The following LMTK2 variants were observed in gnomAD, a reference collection of about 807,000 sequenced individuals.
LMTK2 encodes lemur tail kinase 2.
Under a neutral mutation model 127.5 loss-of-function variants are expected in LMTK2, and 37 were observed. The ratio of observed to expected loss-of-function variants is 0.29; its 90% CI spans 0.22 to 0.38. LMTK2 has a LOEUF of 0.38. Among genes scored for constraint, LMTK2 ranks in the 10% least tolerant of loss-of-function variants. The pLI is 1.00. For missense variants in LMTK2, 1,694 were observed against 1,920.3 expected, an observed-to-expected ratio of 0.88 and a Z score of 2.20; for synonymous variants, 819 against 810.1, an observed-to-expected ratio of 1.01 and a Z score of -0.19.
At chr7:98,191,180 T>G (rs996872975) in intron 10 of LMTK2, among the ~76,000 whole-genome samples, 1 of 152,186 alleles carries the variant, frequency 6.6e-6, no homozygotes. Flanking sequence ...AACTCCTGGC[T>G]CAAGTGATCC....
At chr7:98,203,464 GCTTA>G in intron 11 of LMTK2, 106 bp from the exon 12 acceptor site, 2 of 1,384,820 alleles carry the variant, frequency 1.4e-6, no homozygotes, top group Non-Finnish European at 9.6e-7. Context: ...GTCTTGAGAC[GCTTA>G]CTTCTCAGTC....
intron 1 of LMTK2, among the ~76,000 whole-genome samples, chr7:98,126,077 C>A (rs1300280075): frequency 6.6e-6 from 1 of 152,294 alleles, no homozygotes; most frequent in East Asian, 1.9e-4. Flanking sequence ...AACATAGACT[C>A]CATCGAGGGA....
At chr7:98,137,550 TC>T in intron 2 of LMTK2, 108 bp downstream of exon 2, 1 of 1,013,188 alleles carries the variant, frequency 9.9e-7, no homozygotes, top group East Asian at 2.6e-5. Flanking sequence ...TTTTTTTTCT[TC>T]CCCTAATGGC....
intron 1 of LMTK2, among the ~76,000 whole-genome samples, chr7:98,119,443 G>A (rs991714994): frequency 2.0e-5 from 3 of 152,174 alleles, no homozygotes; most frequent in Non-Finnish European, 4.4e-5. Context: ...GAGTACATAT[G>A]CCATCACCAC....
chr7:98,121,355 G>T (rs1035333636), intron 1 of LMTK2, among the ~76,000 whole-genome samples: 3 of 152,018 alleles, frequency 2.0e-5, no homozygotes, highest in Non-Finnish European at 4.4e-5. Flanking sequence ...CAAGCCTGGC[G>T]TGGTGGCTCA....
chr7:98,176,247 A>G (rs990566375), intron 7 of LMTK2, among the ~76,000 whole-genome samples: 19 of 152,250 alleles, frequency 1.2e-4, no homozygotes, highest in Non-Finnish European at 1.9e-4. Context: ...CTGTGTTTAC[A>G]TAGACTATGT....
intron 9 of LMTK2, among the ~76,000 whole-genome samples, chr7:98,189,386 C>G (rs1376088961): frequency 6.6e-6 from 1 of 152,136 alleles, no homozygotes; most frequent in Admixed American, 6.5e-5. Flanking sequence ...CTCTGGTGCT[C>G]TCCTTTAGTG....
At chr7:98,133,279 G>A (rs1049171662) in intron 1 of LMTK2, among the ~76,000 whole-genome samples, 5 of 152,156 alleles carry the variant, frequency 3.3e-5, no homozygotes, top group Admixed American at 6.5e-5. Flanking sequence ...TCTCAGTGCT[G>A]TAGGCTGCAT....
chr7:98,116,125 C>T (rs1448659830), intron 1 of LMTK2, among the ~76,000 whole-genome samples: 6 of 152,138 alleles, frequency 3.9e-5, no homozygotes, highest in South Asian at 2.1e-4. Context: ...AACTCCTGGC[C>T]TCAAGCAGTC....
intron 7 of LMTK2, among the ~76,000 whole-genome samples, chr7:98,174,666 C>T (rs903922348): frequency 7.9e-5 from 12 of 152,166 alleles, no homozygotes; most frequent in East Asian, 3.9e-4. Context: ...GGTAGCCTTG[C>T]GGAGTACCTG....
At chr7:98,165,028 G>A (rs986724446) in intron 6 of LMTK2, among the ~76,000 whole-genome samples, 24 of 152,244 alleles carry the variant, frequency 1.6e-4, no homozygotes, top group Non-Finnish European at 3.2e-4. Flanking sequence ...GCAGTTCGCA[G>A]TGGAGAAGGG....
At position 98,106,909 on chromosome 7, in the gene LMTK2, C is replaced by T. The variant is rs1562891464; in HGVS notation, c.-269C>T. 6 of 445,146 alleles carry T rather than the reference C, an allele frequency of 1.3e-5. No individual in the cohort carries two copies. Among genetic ancestry groups the T allele is most frequent in the South Asian group, 4.4e-5 (1 of 22,632 alleles). 27.6% of individuals were successfully genotyped at this position (445,146 alleles called of 1,614,324 possible). A position where few individuals can be genotyped will look rare whatever the true frequency, so the allele number is the denominator to read the frequency against. On this transcript the variant is annotated 5_prime_UTR_variant, in exon 1 of 14. Transcript: ENST00000297293. ...GGCGGCGGGAGCGCGGCTTCCCAGG[C>T]CCGCCGCTCCGCAGGGCTGCTGGCG...
At chr7:98,112,507 A>C (rs1296868315) in intron 1 of LMTK2, among the ~76,000 whole-genome samples, 1 of 152,252 alleles carries the variant, frequency 6.6e-6, no homozygotes, top group Non-Finnish European at 1.5e-5. Flanking sequence ...CTTCAGTGGC[A>C]CTGGCCACAA....
At chr7:98,125,403 CTG>C (rs1796430792) in intron 1 of LMTK2, among the ~76,000 whole-genome samples, 1 of 152,150 alleles carries the variant, frequency 6.6e-6, no homozygotes, top group Non-Finnish European at 1.5e-5. Context: ...ATTGTCTGCC[CTG>C]TGTGCAGGGA....
intron 3 of LMTK2, 135 bp from the exon 4 acceptor site, chr7:98,151,247 G>A (rs556228725): frequency 4.4e-5 from 24 of 545,010 alleles, no homozygotes; most frequent in South Asian, 9.9e-5. Context: ...GGCATGATTC[G>A]TTTAAAAGAG....
Position 98,106,927 on chromosome 7 carries a change from T to G in LMTK2, c.-251T>G. The G allele has an allele frequency of 2.2e-6, 1 of 459,748 alleles. No homozygotes were observed. The highest frequency in any genetic ancestry group is 3.9e-6 in the Non-Finnish European group (1 of 259,558). The allele number at this position is 459,748 out of a possible 1,614,324, so 28.5% of individuals were successfully genotyped here. On this transcript the variant is annotated 5_prime_UTR_variant, in exon 1 of 14. Transcript: ENST00000297293. ...TCCCAGGCCCGCCGCTCCGCAGGGC[T>G]GCTGGCGTTGCTGCTGTTGAGAGGC...
intron 11 of LMTK2, among the ~76,000 whole-genome samples, chr7:98,200,385 G>A (rs936605260): frequency 5.9e-5 from 9 of 152,224 alleles, no homozygotes; most frequent in African/African-American, 1.9e-4. Flanking sequence ...TGGCCCTGGA[G>A]CAACATGGGT....
intron 1 of LMTK2, among the ~76,000 whole-genome samples, chr7:98,122,125 A>G (rs1056667965): frequency 6.6e-6 from 1 of 152,234 alleles, no homozygotes; most frequent in African/African-American, 2.4e-5. Context: ...ATAAACTTGT[A>G]AGCATTCATT....
chr7:98,162,142 A>T (rs1797026369), intron 6 of LMTK2, among the ~76,000 whole-genome samples: 1 of 152,144 alleles, frequency 6.6e-6, no homozygotes, highest in Admixed American at 6.6e-5. Flanking sequence ...GGTTCAGAAG[A>T]TGGGCTTTGT....
Sources: allele counts gnomAD v4.1 joint callset (sites outside exome capture counted in the v4.1 genomes callset), GRCh38; gene constraint gnomAD v4.1.1; transcripts MANE v1.5; gene names NCBI Gene and HGNC (gene_info 2026-07-23, HGNC 2026-07-21).